Variants in DLG2 observed in about 807,000 individuals in gnomAD.
DLG2 encodes disks large homolog 2.
Under a neutral mutation model 132.5 loss-of-function variants are expected in DLG2, and 45 were observed. The ratio of observed to expected loss-of-function variants is 0.34; its 90% CI spans 0.27 to 0.44. The LOEUF (loss-of-function observed/expected upper bound fraction) is 0.44, where lower values mean the gene tolerates loss of function less well. Ranked by LOEUF, DLG2 falls within the 20% of genes least tolerant of loss-of-function variation. DLG2 has a pLI of 1.00. For synonymous variants in DLG2, 424 were observed against 419.6 expected, an observed-to-expected ratio of 1.01 and a Z score of -0.13; for missense variants, 1,045 against 1,196.9, an observed-to-expected ratio of 0.87 and a Z score of 1.87.
intron 7 of DLG2, among the ~76,000 whole-genome samples, chr11:84,324,402 T>A (rs1262677578): frequency 6.6e-6 from 1 of 152,152 alleles, no homozygotes; most frequent in East Asian, 1.9e-4. Context: ...TTCTGTTTCA[T>A]TAATTTGTAT....
At chr11:85,063,101 C>T (rs79636365) in intron 6 of DLG2, among the ~76,000 whole-genome samples, 5,264 of 151,838 alleles carry the variant, frequency 0.035, 122 homozygotes, top group African/African-American at 0.055. Flanking sequence ...ACAGATTCCC[C>T]GCTTCAGGGT....
intron 19 of DLG2, among the ~76,000 whole-genome samples, chr11:83,595,188 G>T (rs1255016161): frequency 3.3e-5 from 5 of 152,132 alleles, no homozygotes; most frequent in African/African-American, 1.2e-4. Context: ...AAAATGTGAG[G>T]TGAGTTTTCT....
At chr11:85,334,867 T>G (rs965804715) in intron 3 of DLG2, among the ~76,000 whole-genome samples, 6 of 152,220 alleles carry the variant, frequency 3.9e-5, no homozygotes, top group Admixed American at 6.5e-5. Flanking sequence ...TGTGAGTATG[T>G]TTCATGTGAC....
chr11:84,993,212 T>C (rs1032724502), intron 6 of DLG2, among the ~76,000 whole-genome samples: 2 of 151,958 alleles, frequency 1.3e-5, no homozygotes, highest in Non-Finnish European at 2.9e-5. Flanking sequence ...AGCTGAACAA[T>C]GAGAACACAT....
chr11:84,640,554 G>C (rs2099657420), intron 6 of DLG2: 1 of 317,042 alleles, frequency 3.2e-6, no homozygotes, highest in South Asian at 2.9e-5. Flanking sequence ...AGTTCTGCAG[G>C]ATGATGAATA....
chr11:84,830,060 T>C lies in DLG2; in HGVS notation c.357+281601A>G, dbSNP rs867288739. Reference sequence around the variant, plus strand: ...AAAACATCTATCATTATATATAATATACAAATATCAAACATTAATTACTAC... The same window carrying C: ...AAAACATCTATCATTATATATAATACACAAATATCAAACATTAATTACTAC... On this transcript the variant is annotated intron_variant, in intron 6 of 27. Coordinates refer to ENST00000376104, the MANE Select transcript of DLG2 (RefSeq NM_001142699.3). Among the ~76,000 whole-genome samples the C allele has an allele frequency of 1.6e-4, 24 of 151,792 alleles. No homozygotes were observed. In the Middle Eastern group the frequency reaches 0.01, roughly 65 times the overall value.
At chr11:85,066,388 C>T (rs530234294) in intron 6 of DLG2, among the ~76,000 whole-genome samples, 39 of 151,682 alleles carry the variant, frequency 2.6e-4, no homozygotes, top group African/African-American at 8.9e-4. Context: ...GTGGTACAAA[C>T]GCTATTGAAA....
intron 16 of DLG2, among the ~76,000 whole-genome samples, chr11:83,839,348 A>C (rs965473339): frequency 6.6e-6 from 1 of 152,246 alleles, no homozygotes; most frequent in African/African-American, 2.4e-5. Flanking sequence ...GAATGCAAAT[A>C]AAATGTCCTA....
At chr11:84,733,071 T>C (rs2063358265) in intron 6 of DLG2, among the ~76,000 whole-genome samples, 1 of 152,194 alleles carries the variant, frequency 6.6e-6, no homozygotes, top group Admixed American at 6.5e-5. Context: ...TCCAAGTCTT[T>C]GCTATTGTGA....
chr11:84,722,789 C>T (rs1391287596), intron 6 of DLG2, among the ~76,000 whole-genome samples: 1 of 152,158 alleles, frequency 6.6e-6, no homozygotes, highest in African/African-American at 2.4e-5. Flanking sequence ...AGAGGGCAGC[C>T]ATGCCTAAGG....
chr11:85,020,669 G>A (rs952595455), intron 6 of DLG2: 2 of 420,866 alleles, frequency 4.8e-6, no homozygotes, highest in Non-Finnish European at 9.2e-6. Context: ...ACAAGAAATG[G>A]GGAAAGGATT....
chr11:85,517,860 T>A, intron 3 of DLG2, among the ~76,000 whole-genome samples: 1 of 152,112 alleles, frequency 6.6e-6, no homozygotes, highest in Non-Finnish European at 1.5e-5. Context: ...TGGAGGCAGG[T>A]CTTTCCTGTG....
chr11:85,439,431 C>T (rs1165867289), intron 3 of DLG2, among the ~76,000 whole-genome samples: 1 of 150,464 alleles, frequency 6.6e-6, no homozygotes, highest in East Asian at 2.0e-4. Context: ...TTGATCTCTG[C>T]TCACTGCAAC....
At chr11:84,085,485 G>C (rs1249515211) in intron 10 of DLG2, among the ~76,000 whole-genome samples, 2 of 152,116 alleles carry the variant, frequency 1.3e-5, no homozygotes, top group Non-Finnish European at 2.9e-5. Context: ...CTGAAACAAA[G>C]CATTGATTTC....
chr11:83,873,898 T>C (rs1356172533), intron 16 of DLG2, among the ~76,000 whole-genome samples: 1 of 152,216 alleles, frequency 6.6e-6, no homozygotes, highest in Non-Finnish European at 1.5e-5. Flanking sequence ...TAATCCCTTA[T>C]GCATATCTCC....
intron 6 of DLG2, among the ~76,000 whole-genome samples, chr11:84,812,679 C>T (rs779775500): frequency 9.2e-5 from 14 of 152,140 alleles, no homozygotes; most frequent in Non-Finnish European, 1.6e-4. Context: ...ATGTTGGCAA[C>T]ATCCCCTGAA....
intron 9 of DLG2, among the ~76,000 whole-genome samples, chr11:84,106,981 T>G (rs12293877): frequency 0.7 from 83,369 of 118,564 alleles, 28,862 homozygotes; most frequent in Middle Eastern, 0.81. Context: ...AGCCTTAGGG[T>G]GTGTGTGTGT....
At chr11:83,993,795 C>A (rs914918821) in intron 11 of DLG2, among the ~76,000 whole-genome samples, 33 of 152,152 alleles carry the variant, frequency 2.2e-4, no homozygotes, top group African/African-American at 8.0e-4. Context: ...ACACTGACCT[C>A]TGAATACTGT....
At chr11:84,877,621 C>T (rs1025605533) in intron 6 of DLG2, among the ~76,000 whole-genome samples, 3 of 141,392 alleles carry the variant, frequency 2.1e-5, no homozygotes, top group African/African-American at 7.8e-5. Context: ...CTCCTGAATA[C>T]AGCACACTGA....
Sources: allele counts gnomAD v4.1 joint callset (sites outside exome capture counted in the v4.1 genomes callset), GRCh38; gene constraint gnomAD v4.1.1; transcripts MANE v1.5; gene names NCBI Gene and HGNC (gene_info 2026-07-23, HGNC 2026-07-21).